DPP10: variants seen among roughly 807,000 people sequenced by gnomAD.
DPP10 encodes the protein dipeptidyl peptidase like 10, also known as inactive dipeptidyl peptidase 10.
In DPP10, 33 loss-of-function variants were observed where a neutral mutation model predicts 120.9. The observed-to-expected ratio is 0.27, with a 90% CI of 0.21 to 0.37. DPP10 has a LOEUF of 0.37. Ranked by LOEUF, DPP10 falls within the 10% of genes least tolerant of loss-of-function variation. The pLI is 1.00. For missense variants in DPP10, 816 were observed against 942.8 expected (o/e 0.87, Z 1.76); for synonymous variants, 337 against 326.1 (o/e 1.03, Z -0.36).
intron 25 of DPP10, 46 bp from the exon 26 acceptor site, chr2:115,842,165 T>C (rs1443894639): frequency 6.6e-7 from 1 of 1,525,004 alleles, no homozygotes; most frequent in Non-Finnish European, 8.9e-7. Flanking sequence ...CGAGAGACAA[T>C]AGCTTCTTGG....
At chr2:115,482,960 A>G (rs916319536) in intron 3 of DPP10, among the ~76,000 whole-genome samples, 1 of 152,098 alleles carries the variant, frequency 6.6e-6, no homozygotes, top group Non-Finnish European at 1.5e-5. Flanking sequence ...TTAGACACTA[A>G]TTCAATGAGA....
At chr2:114,933,805 G>A (rs1696257274) in intron 1 of DPP10, among the ~76,000 whole-genome samples, 1 of 152,164 alleles carries the variant, frequency 6.6e-6, no homozygotes, top group African/African-American at 2.4e-5. Flanking sequence ...CAGAATTTCT[G>A]ATTCAGTAGA....
chr2:114,666,742 G>A (rs945295792), intron 1 of DPP10, among the ~76,000 whole-genome samples: 4 of 152,098 alleles, frequency 2.6e-5, no homozygotes, highest in Admixed American at 1.3e-4. Context: ...GGGGCAGACA[G>A]ACAACATATT....
At chr2:114,516,063 TAA>T (rs1406572718) in intron 1 of DPP10, among the ~76,000 whole-genome samples, 1 of 152,330 alleles carries the variant, frequency 6.6e-6, no homozygotes, top group Admixed American at 6.5e-5. Flanking sequence ...CCCACCCTCC[TAA>T]GTCTCTGATT....
chr2:115,385,368 A>T (rs1164802150), intron 3 of DPP10, among the ~76,000 whole-genome samples: 7 of 114,132 alleles, frequency 6.1e-5, no homozygotes, highest in South Asian at 2.7e-4. Flanking sequence ...TTTTTTTTTT[A>T]AATCAAGACA....
intron 1 of DPP10, among the ~76,000 whole-genome samples, chr2:114,786,357 A>C (rs1682765739): frequency 6.6e-6 from 1 of 152,138 alleles, no homozygotes; most frequent in Admixed American, 6.6e-5. Flanking sequence ...ACATCTTTGC[A>C]CCCTCCAGGG....
At position 115,593,517 on chromosome 2, in the gene DPP10, A is replaced by T. The variant is rs571985450; in HGVS notation, c.441+67545A>T. Among the ~76,000 whole-genome samples, 4 of 152,308 alleles carry T rather than the reference A, an allele frequency of 2.6e-5. No homozygotes were observed. The East Asian group carries it at 7.7e-4, about 29-fold the overall frequency. ...TAGCTTCAATTTGCAGGGCTTTAAG[A>T]AAAGCACAGTTTTAATTTCTAATAA... On this transcript the variant is annotated intron_variant, in intron 5 of 25. Transcript: ENST00000410059.
chr2:114,627,580 G>A (rs1320319577), intron 1 of DPP10, among the ~76,000 whole-genome samples: 1 of 151,962 alleles, frequency 6.6e-6, no homozygotes, highest in Non-Finnish European at 1.5e-5. Flanking sequence ...CAATCAAAGA[G>A]GCCAATAGAG....
chr2:114,820,039 G>A (rs1231559588), intron 1 of DPP10, among the ~76,000 whole-genome samples: 1 of 152,174 alleles, frequency 6.6e-6, no homozygotes, highest in Non-Finnish European at 1.5e-5. Flanking sequence ...TTTTGATTGA[G>A]TGGCTGTTCT....
chr2:115,121,843 T>C (rs1213872467), intron 1 of DPP10, among the ~76,000 whole-genome samples: 1 of 152,194 alleles, frequency 6.6e-6, no homozygotes, highest in Non-Finnish European at 1.5e-5. Context: ...GTATTTCTTG[T>C]ATAGGGGCAC....
chr2:115,133,157 A>G (rs1369789723), intron 1 of DPP10, among the ~76,000 whole-genome samples: 31 of 125,128 alleles, frequency 2.5e-4, no homozygotes, highest in African/African-American at 8.8e-4. Flanking sequence ...ATATATATAT[A>G]TATATATATA....
chr2:114,849,325 A>T (rs1688772246), intron 1 of DPP10, among the ~76,000 whole-genome samples: 1 of 152,064 alleles, frequency 6.6e-6, no homozygotes, highest in Admixed American at 6.6e-5. Flanking sequence ...AGGGTAAGAT[A>T]GGAGGCTATA....
chr2:115,452,544 A>G (rs1460384877), intron 3 of DPP10, among the ~76,000 whole-genome samples: 1 of 152,086 alleles, frequency 6.6e-6, no homozygotes, highest in South Asian at 2.1e-4. Context: ...ATTCTGAGAG[A>G]TGAAAGTGAA....
Position 115,205,680 on chromosome 2 carries a change from T to C in DPP10, c.61-103559T>C, listed in dbSNP as rs117743824. ...AAGGAAATGTGACACATATACACCA[T>C]AGAATATTATGCGGCCGTAAAAAAG... On this transcript the variant is annotated intron_variant, in intron 1 of 25. Coordinates refer to ENST00000410059, the MANE Select transcript of DPP10 (RefSeq NM_020868.6). Among the ~76,000 whole-genome samples, 79 of 152,238 alleles carry C rather than the reference T, an allele frequency of 5.2e-4. No individual in the cohort carries two copies. In the East Asian group the frequency reaches 0.014, roughly 27 times the overall value.
chr2:114,473,309 ACT>A (rs1258871569), intron 1 of DPP10, among the ~76,000 whole-genome samples: 8 of 152,190 alleles, frequency 5.3e-5, no homozygotes, highest in Non-Finnish European at 1.2e-4. Flanking sequence ...GATGAATGAA[ACT>A]CTAGTGATAA....
intron 2 of DPP10, among the ~76,000 whole-genome samples, chr2:115,336,573 C>G (rs1319393625): frequency 2.0e-5 from 3 of 149,968 alleles, no homozygotes; most frequent in Non-Finnish European, 3.0e-5. Context: ...CTCTCTCTCT[C>G]TCTCTCTCTG....
intron 21 of DPP10, among the ~76,000 whole-genome samples, chr2:115,824,885 T>A (rs1575904598): frequency 6.6e-6 from 1 of 152,324 alleles, no homozygotes; most frequent in African/African-American, 2.4e-5. Context: ...TTCTATGTAT[T>A]AAAATGTTAG....
At chr2:114,815,945 G>A (rs1326501399) in intron 1 of DPP10, among the ~76,000 whole-genome samples, 1 of 150,230 alleles carries the variant, frequency 6.7e-6, no homozygotes, top group East Asian at 1.9e-4. Context: ...CCTATCAGTT[G>A]CAAAGAAATG....
At chr2:115,051,804 T>C (rs2105346928) in intron 1 of DPP10, among the ~76,000 whole-genome samples, 1 of 147,432 alleles carries the variant, frequency 6.8e-6, no homozygotes, top group Admixed American at 6.9e-5. Flanking sequence ...CACCTGAAAA[T>C]TGGTAAGAGA....
Sources: gnomAD v4.1 joint callset for allele counts (sites outside exome capture counted in the v4.1 genomes callset) on GRCh38, gnomAD v4.1.1 for gene constraint, MANE v1.5 for transcripts, NCBI Gene and HGNC (gene_info 2026-07-23, HGNC 2026-07-21) for gene names.